The following NTRK3 variants were observed in gnomAD, a reference collection of about 807,000 sequenced individuals.
NTRK3 encodes the protein NT-3 growth factor receptor.
In NTRK3, 24 loss-of-function variants were observed where a neutral mutation model predicts 91.7. The observed-to-expected ratio is 0.26, with a 90% CI of 0.19 to 0.37. The LOEUF is 0.37. Among genes scored for constraint, NTRK3 ranks in the 10% least tolerant of loss-of-function variants. The pLI, the probability that NTRK3 is intolerant of heterozygous loss-of-function variation, is 1.00. For missense variants in NTRK3, 880 were observed against 1,068.9 expected (o/e 0.82, Z 2.46); for synonymous variants, 483 against 404.0 (o/e 1.20, Z -2.34).
At chr15:88,065,557 G>A (rs1404497438) in intron 13 of NTRK3, among the ~76,000 whole-genome samples, 1 of 152,060 alleles carries the variant, frequency 6.6e-6, no homozygotes, top group East Asian at 1.9e-4. Context: ...CCAGAATATT[G>A]CTGGAGAAGA....
intron 17 of NTRK3, 64 bp downstream of exon 18, chr15:87,885,630 G>T (rs2065490456): frequency 3.6e-6 from 3 of 834,110 alleles, no homozygotes; most frequent in Non-Finnish European, 5.5e-6. Context: ...TGAAACAATG[G>T]CTTAGTAATT....
chr15:87,925,398 G>A (rs1242987961), intron 17 of NTRK3, among the ~76,000 whole-genome samples: 1 of 151,146 alleles, frequency 6.6e-6, no homozygotes, highest in Non-Finnish European at 1.5e-5. Flanking sequence ...GCCCTTATAT[G>A]CACATTCTGG....
intron 3 of NTRK3, among the ~76,000 whole-genome samples, chr15:88,198,478 C>T (rs952123103): frequency 1.2e-4 from 18 of 152,136 alleles, no homozygotes; most frequent in African/African-American, 3.1e-4. Flanking sequence ...AACAAACCAT[C>T]GCCACCCAGT....
intron 13 of NTRK3, among the ~76,000 whole-genome samples, chr15:88,096,279 C>A (rs2049589631): frequency 6.6e-6 from 1 of 152,178 alleles, no homozygotes; most frequent in South Asian, 2.1e-4. Context: ...CAGAGAGCCC[C>A]CAGCATCCCT....
At chr15:88,048,467 G>A (rs1231953221) in intron 13 of NTRK3, among the ~76,000 whole-genome samples, 1 of 152,134 alleles carries the variant, frequency 6.6e-6, no homozygotes, top group African/African-American at 2.4e-5. Context: ...ACTTAATGCT[G>A]ACACAGGTAC....
intron 3 of NTRK3, among the ~76,000 whole-genome samples, chr15:88,198,367 T>C (rs780671349): frequency 2.0e-5 from 3 of 152,186 alleles, no homozygotes; most frequent in Non-Finnish European, 4.4e-5. Flanking sequence ...TGAGCCATGG[T>C]GCCTCTCCCT....
At chr15:87,994,516 C>G (rs970242910) in intron 14 of NTRK3, among the ~76,000 whole-genome samples, 3 of 152,122 alleles carry the variant, frequency 2.0e-5, no homozygotes, top group African/African-American at 7.2e-5. Context: ...AGAAGAGGGG[C>G]CTGGAACAGA....
intron 17 of NTRK3, among the ~76,000 whole-genome samples, chr15:87,882,200 A>C (rs979574702): frequency 1.3e-5 from 2 of 152,146 alleles, no homozygotes; most frequent in Non-Finnish European, 2.9e-5. Context: ...CTAGCCAGAA[A>C]AGTTATTTTC....
chr15:87,989,975 T>C lies in NTRK3; in HGVS notation c.1585+42882A>G, dbSNP rs1358226630. ...ATTTTTTCTGGTTTTCTTTGTTTTT[T>C]CCCTTTTCCTTTTCTTCTCACTCAT... On this transcript the variant is annotated intron_variant, in intron 14 of 18. Coordinates refer to ENST00000394480, the Ensembl canonical transcript of NTRK3. Among the ~76,000 whole-genome samples, 3 of 152,302 alleles carry C rather than the reference T, an allele frequency of 2.0e-5. No homozygotes were observed. The East Asian group carries it at 5.8e-4, about 29-fold the overall frequency.
chr15:87,928,972 T>C (rs1596291489), intron 17 of NTRK3: 3 of 634,988 alleles, frequency 4.7e-6, no homozygotes, highest in Non-Finnish European at 8.3e-6. Flanking sequence ...TACAGTTCAG[T>C]TAAATGTCCA....
chr15:87,958,503 C>G (rs2071905911), intron 14 of NTRK3, among the ~76,000 whole-genome samples: 1 of 151,938 alleles, frequency 6.6e-6, no homozygotes, highest in African/African-American at 2.4e-5. Flanking sequence ...TGCTTCTTCT[C>G]CTTGAATCTG....
chr15:88,182,622 C>A (rs960316582), intron 5 of NTRK3, among the ~76,000 whole-genome samples: 2 of 152,198 alleles, frequency 1.3e-5, no homozygotes, highest in Non-Finnish European at 2.9e-5. Flanking sequence ...TGGCCACTAT[C>A]CTTGGAGTTG....
At chr15:88,249,331 A>G (rs894403497) in intron 3 of NTRK3, among the ~76,000 whole-genome samples, 1 of 152,232 alleles carries the variant, frequency 6.6e-6, no homozygotes, top group Non-Finnish European at 1.5e-5. Flanking sequence ...TGGGGCTGCC[A>G]GTCTCACATA....
chr15:88,151,134 A>G (rs2043336945), intron 5 of NTRK3, among the ~76,000 whole-genome samples: 1 of 152,154 alleles, frequency 6.6e-6, no homozygotes, highest in East Asian at 1.9e-4. Context: ...CCATCTGACC[A>G]TTGAATTAAT....
Position 88,023,011 on chromosome 15 carries a change from G to T in NTRK3, c.1585+9846C>A, listed in dbSNP as rs556471177. ...GTTTTAGCTCCAAAGTGCATGCTAGGAAAGTCTAGTGTTTTCAATTAATTT... is the reference window on the plus strand; with the variant it reads ...GTTTTAGCTCCAAAGTGCATGCTAGTAAAGTCTAGTGTTTTCAATTAATTT... On this transcript the variant is annotated intron_variant, in intron 14 of 18. Coordinates refer to ENST00000394480, the Ensembl canonical transcript of NTRK3. Among the ~76,000 whole-genome samples the T allele has an allele frequency of 2.7e-4, 41 of 152,274 alleles. 2 individuals carry two copies. The highest frequency in any genetic ancestry group is 1.3e-3 in the Admixed American group (20 of 15,300).
Position 87,929,260 on chromosome 15 carries a change from T to C in NTRK3, c.2064A>G (p.Gly688=), listed in dbSNP as rs151306006. 180 of 1,613,958 alleles carry C rather than the reference T, an allele frequency of 1.1e-4. 1 individual carries two copies. In the African/African-American group the frequency reaches 2.1e-3, roughly 19 times the overall value. ...CCCCAATCTTCACTAGCAGATTCGC[T>C]CCAACCAGGCAGTTCCTGGTGGCCA... Residue 688 remains glycine (G), a synonymous_variant, in exon 17 of 19, where the codon GGA becomes GGG. Transcript: ENST00000394480.
At chr15:88,198,924 G>A (rs901933560) in intron 3 of NTRK3, among the ~76,000 whole-genome samples, 6 of 152,174 alleles carry the variant, frequency 3.9e-5, no homozygotes, top group African/African-American at 1.2e-4. Flanking sequence ...GGATGTCCTC[G>A]CCTTTGGAAA....
At position 88,062,096 on chromosome 15, in the gene NTRK3, T is replaced by C. The variant is rs2046273763; in HGVS notation, c.1397-29051A>G. ...ATTGTATTAAGTTTTATACATAATC[T>C]AGAGATGATTTAAAGTCTCCGGGAG... On this transcript the variant is annotated intron_variant, in intron 13 of 18. Coordinates refer to ENST00000394480, the Ensembl canonical transcript of NTRK3. Among the ~76,000 whole-genome samples the C allele has an allele frequency of 2.0e-5, 3 of 152,224 alleles. No homozygotes were observed. The South Asian group carries it at 6.2e-4, about 32-fold the overall frequency.
In NTRK3 at chr15:87,880,254, C is replaced by G. The variant is rs767405897; in HGVS notation, c.2292+16G>C. The G allele has an allele frequency of 6.2e-7, 1 of 1,613,990 alleles. No homozygotes were observed. Among genetic ancestry groups the G allele is most frequent in the Non-Finnish European group, 8.5e-7 (1 of 1,179,988 alleles). On this transcript the variant is annotated intron_variant, in intron 18 of 18. Coordinates refer to ENST00000394480, the Ensembl canonical transcript of NTRK3. ...AGCCCTCCCCCAATCAAGATTCCTA[C>G]GCACCCCCTTTTTACCTCCGTGTTT...
Sources: allele counts gnomAD v4.1 joint callset (sites outside exome capture counted in the v4.1 genomes callset), GRCh38; gene constraint gnomAD v4.1.1; transcripts MANE v1.5; gene names NCBI Gene and HGNC (gene_info 2026-07-23, HGNC 2026-07-21).